Variants in HNRNPK observed in about 807,000 individuals in gnomAD.
HNRNPK encodes the protein heterogeneous nuclear ribonucleoprotein K, also known as dC-stretch binding protein.
A neutral mutation model predicts 67.0 loss-of-function variants in HNRNPK; 7 were observed. The ratio of observed to expected loss-of-function variants is 0.10; its 90% CI spans 0.06 to 0.20. The LOEUF (loss-of-function observed/expected upper bound fraction) is 0.20, where lower values mean the gene tolerates loss of function less well. Among genes scored for constraint, HNRNPK ranks in the 10% least tolerant of loss-of-function variants. The probability of loss-of-function intolerance (pLI) is 1.00; values close to 1 mark genes in which losing one functional copy is unlikely to be tolerated. For missense variants in HNRNPK, 264 were observed against 606.5 expected, an observed-to-expected ratio of 0.44 and a Z score of 5.93; for synonymous variants, 213 against 193.7, an observed-to-expected ratio of 1.10 and a Z score of -0.83.
At chr9:83,970,362 CG>C in intron 15 of HNRNPK, 31 bp from the exon 16 acceptor site, 1 of 1,545,170 alleles carries the variant, frequency 6.5e-7, no homozygotes, top group Non-Finnish European at 8.9e-7. Context: ...TATGTGTTTA[CG>C]ATATACTTTT....
Position 83,969,444 on chromosome 9 carries a change from T to TAAAAG in HNRNPK, c.1362-9_1362-5dup. 1.3e-6 allele frequency: 2 copies of TAAAAG among 1,570,196 alleles called. No individual in the cohort carries two copies. Among genetic ancestry groups the TAAAAG allele is most frequent in the Non-Finnish European group, 1.7e-6 (2 of 1,153,796 alleles). On this transcript the variant is annotated splice_polypyrimidine_tract_variant and splice_region_variant and intron_variant, in intron 16 of 16. Transcript: ENST00000376263. Reference sequence around the variant, plus strand: ...AACATCTGCATACTGCTTCACACTATAAAAGAAAAGAAAAAAAAGTGCGAA... The same window carrying TAAAAG: ...AACATCTGCATACTGCTTCACACTATAAAAGAAAAGAAAAGAAAAAAAAGTGCGAA...
rs11140313 is a variant in HNRNPK at position 83,971,642 on chromosome 9, A to C, written c.1008+30T>G. On this transcript the variant is annotated intron_variant, in intron 12 of 16. Coordinates refer to ENST00000376263, the MANE Select transcript of HNRNPK (RefSeq NM_031263.4). The stretch of plus-strand genomic sequence containing the variant: ...ACATTGTGACAACCCTCACATACCC[A>C]ACACACTGGTAATAAACCAAAGTTC... 5.4e-3 allele frequency: 8,565 copies of C among 1,575,272 alleles called. 213 individuals are homozygous for C. Among genetic ancestry groups the C allele is most frequent in the East Asian group, 0.031 (1,387 of 44,694 alleles).
Position 83,978,273 on chromosome 9 carries a change from C to G in HNRNPK, c.-21G>C, listed in dbSNP as rs991657327. On this transcript the variant is annotated 5_prime_UTR_variant, in exon 3 of 17. Transcript: ENST00000376263. ...TCCATATTCTTTTATTAAACGGGCA[C>G]ACCAATCTGTGGAAAAATAAAGCAG... The G allele has an allele frequency of 6.3e-7, 1 of 1,594,006 alleles. No individual in the cohort carries two copies. Among genetic ancestry groups the G allele is most frequent in the Non-Finnish European group, 8.5e-7 (1 of 1,170,968 alleles).
At position 83,970,878 on chromosome 9, in the gene HNRNPK, C is replaced by T; in HGVS notation, c.1108+19G>A. On this transcript the variant is annotated intron_variant, in intron 14 of 16. Coordinates refer to ENST00000376263, the MANE Select transcript of HNRNPK (RefSeq NM_031263.4). ...AAAGTATGAAATTAATGTTTGACTTCACAAAGGAGAGAACTTACCATATCC... is the reference window on the plus strand; with the variant it reads ...AAAGTATGAAATTAATGTTTGACTTTACAAAGGAGAGAACTTACCATATCC... The T allele has an allele frequency of 6.2e-7, 1 of 1,611,808 alleles. No homozygotes were observed. Among genetic ancestry groups the T allele is most frequent in the Non-Finnish European group, 8.5e-7 (1 of 1,178,020 alleles).
At chr9:83,975,278 G>A (rs980539176) in intron 6 of HNRNPK, among the ~76,000 whole-genome samples, 184 bp downstream of exon 6, 2 of 152,158 alleles carry the variant, frequency 1.3e-5, no homozygotes, top group Non-Finnish European at 2.9e-5. Context: ...TTAGTGGATC[G>A]TTTGGGTGGG....
At chr9:83,970,092 C>T in intron 16 of HNRNPK, 70 bp downstream of exon 16, 2 of 1,308,092 alleles carry the variant, frequency 1.5e-6, no homozygotes, top group Non-Finnish European at 2.1e-6. Context: ...AGAAAAAAAT[C>T]AATTGAGAAG....
In HNRNPK at chr9:83,969,102, C is replaced by A; in HGVS notation, c.*305G>T. On this transcript the variant is annotated 3_prime_UTR_variant, in exon 17 of 17. Transcript: ENST00000376263. Reference sequence around the variant, plus strand: ...AATTACATGGGGGGAATTTTTTAAACCACCAACAATAACGAAAAATAAAAT... The same window carrying A: ...AATTACATGGGGGGAATTTTTTAAAACACCAACAATAACGAAAAATAAAAT... 4.0e-6 allele frequency: 2 copies of A among 502,992 alleles called. No homozygotes were observed. The highest frequency in any genetic ancestry group is 2.9e-5 in the South Asian group (1 of 34,724). The allele number at this position is 502,992 out of a possible 1,614,324, so 31.2% of individuals were successfully genotyped here.
At chr9:83,977,298 G>A (rs964543356) in intron 4 of HNRNPK, among the ~76,000 whole-genome samples, 2 of 152,180 alleles carry the variant, frequency 1.3e-5, no homozygotes, top group Admixed American at 1.3e-4. Context: ...ATAAAACTAA[G>A]CACAGATTTT....
Position 83,977,749 on chromosome 9 carries a change from T to A in HNRNPK, c.96A>T (p.Ala32=), listed in dbSNP as rs753670718. The change falls in exon 4 of 17, where the codon GCA becomes GCT. Residue 32 remains alanine, a synonymous_variant. Coordinates refer to ENST00000376263, the MANE Select transcript of HNRNPK (RefSeq NM_031263.4). ...CATCAGTGTTTCTAGATCTTTTAAA[T>A]GCTTGTTCCTCTTCCATATCTTCTG... The part of the protein sequence containing the change: ...RPAEDMEEEQ[A]FKRSRNTDEM... The A allele has an allele frequency of 6.2e-7, 1 of 1,609,686 alleles. No homozygotes were observed. The highest frequency in any genetic ancestry group is 2.2e-5 in the East Asian group (1 of 44,778).
At chr9:83,979,837 C>G (rs1253699539) in intron 1 of HNRNPK, among the ~76,000 whole-genome samples, 1 of 152,198 alleles carries the variant, frequency 6.6e-6, no homozygotes, top group Non-Finnish European at 1.5e-5. Flanking sequence ...GGGGCTCACA[C>G]AAAGAGAGCG....
At chr9:83,975,740 A>T (rs1957038726) in intron 5 of HNRNPK, 1 of 583,742 alleles carries the variant, frequency 1.7e-6, no homozygotes, top group Non-Finnish European at 3.1e-6. Context: ...GAGAGGGAAA[A>T]GGGGGAAAAG....
chr9:83,974,386 A>G (rs937884632), intron 7 of HNRNPK, 131 bp downstream of exon 7: 1 of 473,446 alleles, frequency 2.1e-6, no homozygotes, highest in Admixed American at 3.9e-5. Flanking sequence ...AAAATTATGT[A>G]GCAGGTTAAG....
At chr9:83,976,873 A>C (rs548404544) in intron 5 of HNRNPK, 122 bp downstream of exon 5, 1 of 595,216 alleles carries the variant, frequency 1.7e-6, no homozygotes, top group South Asian at 3.0e-5. Flanking sequence ...CTGTAATAAT[A>C]AATTATTACA....
intron 8 of HNRNPK, among the ~76,000 whole-genome samples, chr9:83,973,699 A>C (rs764123664): frequency 2.0e-5 from 3 of 152,250 alleles, no homozygotes; most frequent in Non-Finnish European, 2.9e-5. Flanking sequence ...CCATAATAAA[A>C]ATGACTGCAA....
At chr9:83,974,644 G>C (rs1282769228) in intron 6 of HNRNPK, 55 bp from the exon 7 acceptor site, 3 of 1,224,766 alleles carry the variant, frequency 2.4e-6, no homozygotes, top group Non-Finnish European at 2.4e-6. Context: ...AGAAAAATGA[G>C]TTTTGTGTTT....
intron 9 of HNRNPK, 116 bp downstream of exon 9, chr9:83,973,170 G>A: frequency 1.3e-6 from 1 of 782,054 alleles, no homozygotes; most frequent in Non-Finnish European, 2.2e-6. Context: ...TTTGTCATTT[G>A]CGATAAGCAA....
intron 11 of HNRNPK, 64 bp downstream of exon 11, chr9:83,971,818 C>G: frequency 2.5e-6 from 4 of 1,579,236 alleles, no homozygotes; most frequent in Non-Finnish European, 3.4e-6. Flanking sequence ...AGTGCAGCCT[C>G]TTGCAGGTTA....
intron 15 of HNRNPK, 142 bp from the exon 16 acceptor site, chr9:83,970,473 T>TAGG: frequency 2.9e-6 from 2 of 700,620 alleles, no homozygotes; most frequent in Non-Finnish European, 4.7e-6. Context: ...TGTCAAGGTT[T>TAGG]GAGTTATAAT....
chr9:83,972,396 G>A (rs1015943095), intron 10 of HNRNPK: 2 of 557,738 alleles, frequency 3.6e-6, no homozygotes, highest in Admixed American at 7.4e-5. Context: ...CTAAACAAAA[G>A]TGAGTTCTAT....
Sources: gnomAD v4.1 joint callset for allele counts (sites outside exome capture counted in the v4.1 genomes callset) on GRCh38, gnomAD v4.1.1 for gene constraint, MANE v1.5 for transcripts, NCBI Gene and HGNC (gene_info 2026-07-23, HGNC 2026-07-21) for gene names.